ENTPD3: variants seen among roughly 807,000 people sequenced by gnomAD.
The protein encoded by ENTPD3 is ectonucleoside triphosphate diphosphohydrolase 3.
Under a neutral mutation model 51.2 loss-of-function variants are expected in ENTPD3, and 60 were observed. The ratio of observed to expected loss-of-function variants is 1.17; its 90% CI spans 0.95 to 1.45. The LOEUF (loss-of-function observed/expected upper bound fraction) is 1.45. Among genes scored for constraint, ENTPD3 ranks in the 40% most tolerant of loss-of-function variants. The pLI is 0.00. For missense variants in ENTPD3, 593 were observed against 641.1 expected (o/e 0.93, Z 0.81); for synonymous variants, 221 against 238.4 (o/e 0.93, Z 0.67).
At chr3:40,424,148 G>T (rs1014933947) in intron 10 of ENTPD3, 185 bp downstream of exon 10, 1 of 985,248 alleles carries the variant, frequency 1.0e-6, no homozygotes, top group Non-Finnish European at 1.2e-6. Context: ...GTTGCTCATG[G>T]GTATACATTC....
intron 7 of ENTPD3, among the ~76,000 whole-genome samples, chr3:40,420,849 T>C (rs1434972788): frequency 6.6e-6 from 1 of 152,012 alleles, no homozygotes; most frequent in African/African-American, 2.4e-5. Flanking sequence ...GCTAAATGTC[T>C]GAGTCAAGAT....
At chr3:40,387,382 C>G (rs1954963828) in intron 1 of ENTPD3, 121 bp downstream of exon 1, 1 of 152,390 alleles carries the variant, frequency 6.6e-6, no homozygotes, top group Admixed American at 6.5e-5. Flanking sequence ...GAGGAAGAGA[C>G]TGAAACACGG....
intron 3 of ENTPD3, among the ~76,000 whole-genome samples, chr3:40,394,878 A>G (rs1369391708): frequency 6.6e-6 from 1 of 152,204 alleles, no homozygotes; most frequent in Non-Finnish European, 1.5e-5. Context: ...CAGAAGGACC[A>G]GCTCTAGTTG....
intron 2 of ENTPD3, among the ~76,000 whole-genome samples, chr3:40,388,585 G>GAC (rs55657804): frequency 0.14 from 18,252 of 126,022 alleles, 1,202 homozygotes; most frequent in East Asian, 0.22. Context: ...CACACACACA[G>GAC]ACACACACAC....
In ENTPD3 at chr3:40,391,830, T is replaced by C. The variant is rs1955062322; in HGVS notation, c.41-193T>C. ...ATTTGTGAGGAAGGGCAAATAGGTA[T>C]TGTTTGTGCTTCCCCAAAACTGGGG... is the stretch of plus-strand genomic sequence containing the variant. On this transcript the variant is annotated intron_variant, in intron 2 of 10. Coordinates refer to ENST00000301825, the MANE Select transcript of ENTPD3 (RefSeq NM_001248.4). 1.7e-5 allele frequency: 11 copies of C among 638,146 alleles called. No individual in the cohort carries two copies. In the South Asian group the frequency reaches 2.2e-4, roughly 13 times the overall value. 39.5% of individuals were successfully genotyped at this position (638,146 alleles called of 1,614,324 possible). A position where few individuals can be genotyped will look rare whatever the true frequency, so the allele number is the denominator to read the frequency against.
chr3:40,412,918 T>G (rs969716544), intron 5 of ENTPD3, among the ~76,000 whole-genome samples: 2 of 152,236 alleles, frequency 1.3e-5, no homozygotes, highest in African/African-American at 4.8e-5. Flanking sequence ...GAATCTGCAG[T>G]GTATTTCCAA....
In ENTPD3 at chr3:40,402,123, C is replaced by CTTTTTCTT. The variant is rs1553643067; in HGVS notation, c.286+1117_286+1118insCTTTTTTT. Among the ~76,000 whole-genome samples, 47 of 95,074 alleles carry CTTTTTCTT rather than the reference C, an allele frequency of 4.9e-4. 2 individuals are homozygous for CTTTTTCTT. The East Asian group carries it at 5.5e-3, about 11-fold the overall frequency. 62.4% of individuals were successfully genotyped at this position (95,074 alleles called of 152,430 possible). ...TTCATTTCCTTTCCTTTTTTTTTTT[C>CTTTTTCTT]TTTTTTTTTTTTTGAGACAGAGTCT... On this transcript the variant is annotated intron_variant, in intron 4 of 10. Transcript: ENST00000301825.
At position 40,422,861 on chromosome 3, in the gene ENTPD3, C is replaced by A; in HGVS notation, c.843C>A (p.Thr281=). 1 of 1,611,792 alleles carries A rather than the reference C, an allele frequency of 6.2e-7. No homozygotes were observed. The change falls in exon 8 of 11, where the codon ACC becomes ACA. Residue 281 remains threonine, a synonymous_variant. Transcript: ENST00000301825. ...TCTTATACCTACAGAATTCTCCTAC[C>A]AAAAACCATCTCACCAATCCCTGTT... The part of the protein sequence containing the change: ...FLAMLLQNSP[T]KNHLTNPCYP...
At chr3:40,416,285 G>C (rs1955746185) in intron 7 of ENTPD3, among the ~76,000 whole-genome samples, 2 of 152,160 alleles carry the variant, frequency 1.3e-5, no homozygotes, top group Non-Finnish European at 2.9e-5. Context: ...CCCACTTCCA[G>C]TAAATTTGAG....
chr3:40,401,986 TA>T (rs1411250565), intron 4 of ENTPD3, among the ~76,000 whole-genome samples: 2 of 152,186 alleles, frequency 1.3e-5, no homozygotes, highest in Non-Finnish European at 2.9e-5. Flanking sequence ...AAAACAAAAT[TA>T]AACATGTATT....
chr3:40,418,132 A>G (rs1412670125), intron 7 of ENTPD3, among the ~76,000 whole-genome samples: 1 of 152,198 alleles, frequency 6.6e-6, no homozygotes, highest in East Asian at 1.9e-4. Context: ...GCCATGGAGA[A>G]GTGAGCACCC....
chr3:40,423,111 G>A lies in ENTPD3; in HGVS notation c.1093G>A (p.Gly365Arg), dbSNP rs776836543. The A allele has an allele frequency of 1.2e-6, 2 of 1,611,010 alleles. No homozygotes were observed. The highest frequency in any genetic ancestry group is 1.7e-6 in the Non-Finnish European group (2 of 1,177,976). ...TGGGGTTTATCAGCCAAAGATTAAA[G>A]GGCCATTTGTGGTAAGAGCAAAACC... ...FDGVYQPKIK[G>R]PFVAFAGFYY... Residue 365 changes from glycine to arginine, a missense_variant, in exon 8 of 11, where the codon GGG (glycine) becomes AGG (arginine). Coordinates refer to ENST00000301825, the MANE Select transcript of ENTPD3 (RefSeq NM_001248.4).
chr3:40,412,389 C>T (rs140066860), intron 5 of ENTPD3, among the ~76,000 whole-genome samples: 287 of 152,338 alleles, frequency 1.9e-3, no homozygotes, highest in Non-Finnish European at 2.9e-3. Flanking sequence ...AAAACAATGG[C>T]ATGTCTGCAC....
intron 7 of ENTPD3, among the ~76,000 whole-genome samples, chr3:40,420,403 T>C (rs1033223443): frequency 1.3e-5 from 2 of 151,836 alleles, no homozygotes; most frequent in African/African-American, 4.8e-5. Flanking sequence ...GCCCAGCTAA[T>C]TTTTTCTATT....
chr3:40,424,917 A>G, intron 10 of ENTPD3: 1 of 643,114 alleles, frequency 1.6e-6, no homozygotes, highest in Non-Finnish European at 2.9e-6. Context: ...ACAAAAAAAT[A>G]AGGATGTCTG....
intron 7 of ENTPD3, among the ~76,000 whole-genome samples, chr3:40,417,854 G>A (rs1414496336): frequency 6.6e-6 from 1 of 152,184 alleles, no homozygotes; most frequent in Non-Finnish European, 1.5e-5. Flanking sequence ...CCTAGCAGGG[G>A]TAGAATGTGG....
At chr3:40,417,278 TAAAGA>T (rs1340343661) in intron 7 of ENTPD3, among the ~76,000 whole-genome samples, 3 of 152,172 alleles carry the variant, frequency 2.0e-5, no homozygotes, top group Admixed American at 2.0e-4. Context: ...GGGTAATTTA[TAAAGA>T]AAAGAGGTTT....
chr3:40,403,397 G>C (rs1955416349), intron 4 of ENTPD3, among the ~76,000 whole-genome samples: 1 of 152,188 alleles, frequency 6.6e-6, no homozygotes, highest in South Asian at 2.1e-4. Flanking sequence ...ACTCAGGCCT[G>C]ATGAAGCTTC....
intron 5 of ENTPD3, among the ~76,000 whole-genome samples, chr3:40,412,835 C>A (rs1955665498): frequency 6.6e-6 from 1 of 152,112 alleles, no homozygotes; most frequent in Non-Finnish European, 1.5e-5. Flanking sequence ...TCTCATAATT[C>A]TTGTTTCTAA....
Sources: allele counts gnomAD v4.1 joint callset (sites outside exome capture counted in the v4.1 genomes callset), GRCh38; gene constraint gnomAD v4.1.1; transcripts MANE v1.5; gene names NCBI Gene and HGNC (gene_info 2026-07-23, HGNC 2026-07-21).